Variants in CTNNA2 observed in about 807,000 individuals in gnomAD.
CTNNA2 encodes catenin alpha 2, also known as catenin alpha-2.
In CTNNA2, 42 loss-of-function variants were observed where a neutral mutation model predicts 101.0. The ratio of observed to expected loss-of-function variants is 0.42; its 90% CI spans 0.32 to 0.54. CTNNA2 has a LOEUF of 0.54. Among genes scored for constraint, CTNNA2 ranks in the 20% least tolerant of loss-of-function variants. CTNNA2 has a pLI of 0.14. For missense variants in CTNNA2, 871 were observed against 1,223.1 expected (o/e 0.71, Z 4.29); for synonymous variants, 450 against 456.4 (o/e 0.99, Z 0.18).
intron 1 of CTNNA2, among the ~76,000 whole-genome samples, chr2:79,570,569 A>G (rs1675402127): frequency 6.6e-6 from 1 of 152,174 alleles, no homozygotes; most frequent in African/African-American, 2.4e-5. Flanking sequence ...CACACTAGGA[A>G]TAATTGACAC....
intron 6 of CTNNA2, among the ~76,000 whole-genome samples, chr2:79,903,847 A>C (rs2104292899): frequency 6.6e-6 from 1 of 152,232 alleles, no homozygotes; most frequent in South Asian, 2.1e-4. Flanking sequence ...TTAGTGATTG[A>C]CTGGCGCTGC....
intron 9 of CTNNA2, among the ~76,000 whole-genome samples, chr2:80,534,669 T>C (rs1035066386): frequency 2.0e-5 from 3 of 152,164 alleles, no homozygotes; most frequent in African/African-American, 7.2e-5. Flanking sequence ...TCGGATGATA[T>C]GTTGGTGGAG....
intron 3 of CTNNA2, among the ~76,000 whole-genome samples, chr2:79,761,899 G>C (rs1328069827): frequency 6.6e-6 from 1 of 152,124 alleles, no homozygotes; most frequent in Non-Finnish European, 1.5e-5. Context: ...TTAAAATATG[G>C]TCTTTAACTA....
chr2:80,475,232 A>G (rs1685637047), intron 9 of CTNNA2, among the ~76,000 whole-genome samples: 1 of 152,202 alleles, frequency 6.6e-6, no homozygotes. Context: ...TCCACTGGAA[A>G]GTGTAAATTG....
intron 2 of CTNNA2, among the ~76,000 whole-genome samples, chr2:79,283,406 T>G (rs1195353502): frequency 1.0e-5 from 1 of 100,272 alleles, no homozygotes; most frequent in South Asian, 4.6e-4. Flanking sequence ...AACGTTTAAG[T>G]CTTTAATCCA....
In CTNNA2 at chr2:80,647,805, G is replaced by A. The variant is rs1308916312; in HGVS notation, c.2795G>A (p.Gly932Asp). ...GAATTCCAGACACGAGTTCGACGAG[G>A]TTCTCAGAAGAAACACATTTCGCCT... ...PEEFQTRVRR[G>D]SQKKHISPVQ... Residue 932 changes from glycine to aspartate, a missense_variant, in exon 19 of 19, where the codon GGT becomes GAT. Gly to Asp is a moderately conservative substitution (Grantham distance 94). Transcript: ENST00000402739. 1 of 1,613,582 alleles carries A rather than the reference G, an allele frequency of 6.2e-7. No homozygotes were observed. Among genetic ancestry groups the A allele is most frequent in the Non-Finnish European group, 8.5e-7 (1 of 1,179,588 alleles).
intron 3 of CTNNA2, among the ~76,000 whole-genome samples, chr2:79,789,429 G>C (rs1435845332): frequency 2.0e-5 from 3 of 151,516 alleles, no homozygotes; most frequent in African/African-American, 7.3e-5. Context: ...ATTGTGACCA[G>C]AGTGGAAGGA....
chr2:79,566,840 A>G (rs1168082854), intron 1 of CTNNA2, among the ~76,000 whole-genome samples: 1 of 152,146 alleles, frequency 6.6e-6, no homozygotes, highest in Non-Finnish European at 1.5e-5. Flanking sequence ...ATTGAATCCT[A>G]CTTTAACTTC....
intron 3 of CTNNA2, among the ~76,000 whole-genome samples, chr2:79,338,579 T>TCTTCTTCTTCTTCTA (rs1677054394): frequency 1.0e-5 from 1 of 96,268 alleles, no homozygotes; most frequent in Non-Finnish European, 2.1e-5. Flanking sequence ...CTCCTCATCA[T>TCTTCTTCTTCTTCTA]CTTCTTCTTC....
At chr2:79,819,240 A>G (rs1454792417) in intron 3 of CTNNA2, among the ~76,000 whole-genome samples, 1 of 152,048 alleles carries the variant, frequency 6.6e-6, no homozygotes, top group Non-Finnish European at 1.5e-5. Context: ...TGGCCTCCCA[A>G]AGTGCTGGGA....
At chr2:80,527,282 T>G (rs1456349739) in intron 9 of CTNNA2, among the ~76,000 whole-genome samples, 6 of 152,166 alleles carry the variant, frequency 3.9e-5, no homozygotes, top group African/African-American at 1.4e-4. Context: ...GGCTGGACTT[T>G]AGAAAACAGG....
intron 4 of CTNNA2, among the ~76,000 whole-genome samples, chr2:79,483,452 C>A (rs2104558094): frequency 6.6e-6 from 1 of 152,296 alleles, no homozygotes; most frequent in Non-Finnish European, 1.5e-5. Context: ...TCAGCCAGAA[C>A]CTCCACCATC....
intron 7 of CTNNA2, among the ~76,000 whole-genome samples, chr2:79,932,968 ATTAAT>A (rs1687548212): frequency 6.6e-6 from 1 of 152,176 alleles, no homozygotes; most frequent in Non-Finnish European, 1.5e-5. Flanking sequence ...TTCACCAGTC[ATTAAT>A]TTATTTTGTC....
intron 7 of CTNNA2, among the ~76,000 whole-genome samples, chr2:80,113,776 G>A (rs546526777): frequency 8.5e-5 from 13 of 152,228 alleles, no homozygotes; most frequent in South Asian, 4.1e-4. Context: ...TTAAATCCCC[G>A]TGTATCATAA....
intron 2 of CTNNA2, among the ~76,000 whole-genome samples, chr2:79,309,327 A>C (rs1002256744): frequency 1.3e-5 from 2 of 152,186 alleles, no homozygotes; most frequent in Non-Finnish European, 2.9e-5. Context: ...TTAAATCCTC[A>C]GTCAAAAAAC....
chr2:79,324,108 T>A (rs189674448), intron 3 of CTNNA2, among the ~76,000 whole-genome samples: 2 of 152,312 alleles, frequency 1.3e-5, no homozygotes, highest in Admixed American at 1.3e-4. Context: ...TTAAACAGTG[T>A]CCTGCTCTTT....
chr2:80,451,347 C>G (rs551166111), intron 9 of CTNNA2, among the ~76,000 whole-genome samples: 2 of 152,240 alleles, frequency 1.3e-5, no homozygotes, highest in Non-Finnish European at 2.9e-5. Flanking sequence ...CTTTGCTTGG[C>G]ACTTCTCCTT....
chr2:79,709,438 G>A (rs557634911), intron 2 of CTNNA2, among the ~76,000 whole-genome samples: 2 of 152,234 alleles, frequency 1.3e-5, no homozygotes, highest in African/African-American at 4.8e-5. Context: ...ACTCTTCTGA[G>A]CCTCAATATT....
At chr2:80,230,321 C>A (rs1238213578) in intron 7 of CTNNA2, among the ~76,000 whole-genome samples, 1 of 141,328 alleles carries the variant, frequency 7.1e-6, no homozygotes, top group African/African-American at 2.7e-5. Flanking sequence ...GTCTTGAACT[C>A]CTGGCCTCAA....
Sources: allele counts gnomAD v4.1 joint callset (sites outside exome capture counted in the v4.1 genomes callset), GRCh38; gene constraint gnomAD v4.1.1; transcripts MANE v1.5; gene names NCBI Gene and HGNC (gene_info 2026-07-23, HGNC 2026-07-21).